LRRK2: variants seen among roughly 807,000 people sequenced by gnomAD.
LRRK2 encodes the protein leucine-rich repeat serine/threonine-protein kinase 2.
LRRK2 carries 203 observed loss-of-function variants against 302.6 expected under a neutral mutation model. The ratio of observed to expected loss-of-function variants is 0.67; its 90% CI spans 0.60 to 0.75. The LOEUF (loss-of-function observed/expected upper bound fraction) is 0.75, where lower values mean the gene tolerates loss of function less well. Ranked by LOEUF, LRRK2 falls within the 30% of genes least tolerant of loss-of-function variation. The pLI is 0.00. For missense variants in LRRK2, 2,830 were observed against 2,951.0 expected (o/e 0.96, Z 0.95); for synonymous variants, 1,066 against 1,031.9 (o/e 1.03, Z -0.63).
intron 38 of LRRK2, among the ~76,000 whole-genome samples, chr12:40,325,355 C>T (rs542477943): frequency 6.6e-6 from 1 of 152,290 alleles, no homozygotes; most frequent in South Asian, 2.1e-4. Flanking sequence ...TGATTACTCT[C>T]CCTTCTCTAG....
At chr12:40,315,847 T>G (rs950768621) in intron 33 of LRRK2, among the ~76,000 whole-genome samples, 1 of 152,056 alleles carries the variant, frequency 6.6e-6, no homozygotes. Context: ...ATGAGTTTAA[T>G]TAGTTATAAT....
intron 27 of LRRK2, 151 bp from the exon 28 acceptor site, chr12:40,305,634 A>G (rs1175660356): frequency 1.4e-6 from 1 of 735,748 alleles, no homozygotes; most frequent in Non-Finnish European, 2.4e-6. Context: ...ACAACTTATG[A>G]CAAACCTTTG....
At chr12:40,298,100 G>A (rs1565725706) in intron 23 of LRRK2, 143 bp from the exon 24 acceptor site, 3 of 796,632 alleles carry the variant, frequency 3.8e-6, no homozygotes, top group African/African-American at 1.7e-5. Flanking sequence ...TTAGTATACT[G>A]AAATTCTGTT....
intron 50 of LRRK2, chr12:40,367,380 A>G (rs1473597955): frequency 7.4e-6 from 3 of 406,822 alleles, no homozygotes; most frequent in Admixed American, 4.1e-5. Context: ...ACAGTGTTTG[A>G]AAAAGCTTTT....
Position 40,340,438 on chromosome 12 carries a change from A to G in LRRK2, c.6093A>G (p.Thr2031=). 1 of 1,613,862 alleles carries G rather than the reference A, an allele frequency of 6.2e-7. No homozygotes were observed. The highest frequency in any genetic ancestry group is 1.1e-5 in the South Asian group (1 of 91,090). The change falls in exon 41 of 51, where the codon ACA becomes ACG. Residue 2031 remains threonine (T), a synonymous_variant. Transcript: ENST00000298910. The part of the protein sequence containing the change: ...AQYCCRMGIK[T]SEGTPGFRAP... ...ACTGCTGTAGAATGGGGATAAAAACATCAGAGGGCACACCAGGTAGGTGAT... is the reference window on the plus strand; with the variant it reads ...ACTGCTGTAGAATGGGGATAAAAACGTCAGAGGGCACACCAGGTAGGTGAT...
chr12:40,336,598 C>T (rs1306876333), intron 40 of LRRK2, among the ~76,000 whole-genome samples: 1 of 152,176 alleles, frequency 6.6e-6, no homozygotes, highest in East Asian at 1.9e-4. Flanking sequence ...ATGCAACTTT[C>T]CTTCTCTTCT....
chr12:40,360,245 A>C lies in LRRK2; in HGVS notation c.7028+801A>C, dbSNP rs571315323. The stretch of plus-strand genomic sequence containing the variant: ...AATGTTAATATATGGATCTTAATTA[A>C]CATAATGACCAGCACCTGGTAAGCT... On this transcript the variant is annotated intron_variant, in intron 47 of 50. Coordinates refer to ENST00000298910, the MANE Select transcript of LRRK2 (RefSeq NM_198578.4). Among the ~76,000 whole-genome samples the C allele has an allele frequency of 4.3e-4, 66 of 152,272 alleles. No homozygotes were observed. In the South Asian group the frequency reaches 6.4e-3, roughly 15 times the overall value.
chr12:40,265,712 C>G (rs1942980034), intron 14 of LRRK2, among the ~76,000 whole-genome samples: 1 of 152,074 alleles, frequency 6.6e-6, no homozygotes, highest in Non-Finnish European at 1.5e-5. Flanking sequence ...CAAGGAAAAT[C>G]AAAATGTGCA....
intron 3 of LRRK2, among the ~76,000 whole-genome samples, chr12:40,234,398 T>TTTTTG (rs1941348720): frequency 3.0e-5 from 3 of 100,250 alleles, no homozygotes; most frequent in Admixed American, 1.1e-4. Context: ...TTTTTTTTTT[T>TTTTTG]AGACAGAGTC....
rs568634982 is a variant in LRRK2 at position 40,258,074 on chromosome 12, C to T, written c.1418+697C>T. On this transcript the variant is annotated intron_variant, in intron 12 of 50. Coordinates refer to ENST00000298910, the MANE Select transcript of LRRK2 (RefSeq NM_198578.4). ...CAACTGTTTCATCTCTAAAACTTCA[C>T]GTTCCTCATTGATAAAGAGGAATGA... Among the ~76,000 whole-genome samples, 4 of 152,230 alleles carry T rather than the reference C, an allele frequency of 2.6e-5. No individual in the cohort carries two copies. In the South Asian group the frequency reaches 6.2e-4, roughly 24 times the overall value.
At position 40,274,569 on chromosome 12, in the gene LRRK2, T is replaced by C. The variant is rs1373000101; in HGVS notation, c.1657-14T>C. On this transcript the variant is annotated splice_polypyrimidine_tract_variant and intron_variant, in intron 14 of 50. Coordinates refer to ENST00000298910, the MANE Select transcript of LRRK2 (RefSeq NM_198578.4). Reference sequence around the variant, plus strand: ...AGATCTCATTTTTAACAGCGAGTATTCTTTTGATTTTAGTTCATTGGAAAT... The same window carrying C: ...AGATCTCATTTTTAACAGCGAGTATCCTTTTGATTTTAGTTCATTGGAAAT... 4 of 1,613,236 alleles carry C rather than the reference T, an allele frequency of 2.5e-6. No homozygotes were observed. Among genetic ancestry groups the C allele is most frequent in the South Asian group, 1.1e-5 (1 of 91,052 alleles).
rs185546980 is a variant in LRRK2, at chr12:40,225,436, G to A, written c.152-119G>A. On this transcript the variant is annotated intron_variant, in intron 1 of 50. Coordinates refer to ENST00000298910, the MANE Select transcript of LRRK2 (RefSeq NM_198578.4). ...TATCCTTTCCTTAGGGCAGAAAGCA[G>A]CTGAGAATTTCAGGAAGGTCTTCAC... 2.9e-4 allele frequency: 367 copies of A among 1,266,348 alleles called. 3 individuals are homozygous for A. In the African/African-American group the frequency reaches 4.9e-3, roughly 17 times the overall value. The allele number at this position is 1,266,348 out of a possible 1,614,324, so 78.4% of individuals were successfully genotyped here.
At position 40,251,320 on chromosome 12, in the gene LRRK2, G is replaced by A; in HGVS notation, c.1047G>A (p.Trp349Ter). ...DDEGEEDKLFWLEACYKALTW... is the reference protein window; with the variant it reads ...DDEGEEDKLF Reference sequence around the variant, plus strand: ...AGGGGGAAGAAGATAAATTGTTTTGGCTGGAAGCCTGTTACAAAGCATTAA... The same window carrying A: ...AGGGGGAAGAAGATAAATTGTTTTGACTGGAAGCCTGTTACAAAGCATTAA... The change falls in exon 9 of 51, where the codon TGG becomes TGA. Residue 349 changes from tryptophan to a stop codon, truncating the protein, a stop_gained. Transcript: ENST00000298910. LOFTEE classifies it high-confidence loss of function. 6.2e-7 allele frequency: 1 copy of A among 1,613,702 alleles called. No homozygotes were observed. The highest frequency in any genetic ancestry group is 8.5e-7 in the Non-Finnish European group (1 of 1,179,814).
chr12:40,328,609 G>T, intron 39 of LRRK2, 149 bp downstream of exon 39: 1 of 635,904 alleles, frequency 1.6e-6, no homozygotes, highest in Non-Finnish European at 2.6e-6. Flanking sequence ...TTTCGTTGTG[G>T]AGTAGAAAGT....
chr12:40,310,547 G>C lies in LRRK2; in HGVS notation c.4434G>C (p.Gly1478=). 1.2e-6 allele frequency: 2 copies of C among 1,611,534 alleles called. No individual in the cohort carries two copies. Among genetic ancestry groups the C allele is most frequent in the Non-Finnish European group, 1.7e-6 (2 of 1,179,372 alleles). Residue 1478 remains glycine, a synonymous_variant, in exon 31 of 51, where the codon GGG becomes GGC. Coordinates refer to ENST00000298910, the MANE Select transcript of LRRK2 (RefSeq NM_198578.4). ...KITKELLNKR[G]FPAIRDYHFV... is the part of the protein sequence containing the mutation. ...CCAAGGAACTCCTGAATAAGCGAGG[G>C]TTCCCTGCCATACGAGATTACCACT...
intron 26 of LRRK2, 78 bp downstream of exon 26, chr12:40,302,960 A>G (rs544781232): frequency 3.0e-6 from 3 of 989,432 alleles, no homozygotes; most frequent in Non-Finnish European, 3.2e-6. Flanking sequence ...CGATTTAGTC[A>G]TATAGAGGTA....
intron 28 of LRRK2, among the ~76,000 whole-genome samples, chr12:40,307,702 C>T (rs1944873170): frequency 6.6e-6 from 1 of 151,582 alleles, no homozygotes; most frequent in African/African-American, 2.4e-5. Context: ...ACATATATCT[C>T]TACCTTGTTT....
At chr12:40,254,134 C>A (rs1003281081) in intron 11 of LRRK2, among the ~76,000 whole-genome samples, 7 of 152,038 alleles carry the variant, frequency 4.6e-5, no homozygotes, top group African/African-American at 1.7e-4. Context: ...GAAAACTCAT[C>A]ATAAAGGCAT....
At position 40,308,213 on chromosome 12, in the gene LRRK2, T is replaced by C. The variant is rs180850119; in HGVS notation, c.3960-254T>C. Among the ~76,000 whole-genome samples the C allele has an allele frequency of 1.2e-3, 185 of 152,334 alleles. 1 individual carries two copies. The highest frequency in any genetic ancestry group is 4.0e-3 in the African/African-American group (165 of 41,584). On this transcript the variant is annotated intron_variant, in intron 28 of 50. Transcript: ENST00000298910. The stretch of plus-strand genomic sequence containing the variant: ...TTAGTATTGCAAACATATTTTGGCC[T>C]TTTGATTATTTCTGGTGATAGTGTA...
Sources: gnomAD v4.1 joint callset for allele counts (sites outside exome capture counted in the v4.1 genomes callset) on GRCh38, gnomAD v4.1.1 for gene constraint, MANE v1.5 for transcripts, NCBI Gene and HGNC (gene_info 2026-07-23, HGNC 2026-07-21) for gene names.